The following STXBP5L variants were observed in gnomAD, a reference collection of about 807,000 sequenced individuals.
STXBP5L encodes the protein syntaxin binding protein 5L, also known as syntaxin-binding protein 5-like.
A neutral mutation model predicts 144.5 loss-of-function variants in STXBP5L; 65 were observed. That is an observed-to-expected ratio of 0.45 (90% CI 0.37 to 0.55). The LOEUF (loss-of-function observed/expected upper bound fraction) is 0.55. STXBP5L is among the 20% of genes least tolerant of loss of function. STXBP5L has a pLI of 0.00. For missense variants in STXBP5L, 1,298 were observed against 1,405.5 expected (o/e 0.92, Z 1.22); for synonymous variants, 505 against 469.6 (o/e 1.08, Z -0.97).
chr3:121,103,573 G>A (rs538604814), intron 5 of STXBP5L, among the ~76,000 whole-genome samples: 1 of 152,030 alleles, frequency 6.6e-6, no homozygotes, highest in East Asian at 1.9e-4. Flanking sequence ...TGGGTACTGT[G>A]CTTACCTCAG....
chr3:121,060,006 A>G (rs564235910), intron 5 of STXBP5L, among the ~76,000 whole-genome samples: 8 of 152,256 alleles, frequency 5.3e-5, no homozygotes, highest in African/African-American at 1.7e-4. Context: ...TTCCAATACT[A>G]TGTTGAATAG....
intron 7 of STXBP5L, among the ~76,000 whole-genome samples, chr3:121,139,840 A>T (rs1333421871): frequency 6.6e-6 from 1 of 152,058 alleles, no homozygotes; most frequent in Non-Finnish European, 1.5e-5. Context: ...ACAAACCATC[A>T]CTTATGCTGA....
At chr3:121,299,985 A>C (rs899954823) in intron 19 of STXBP5L, among the ~76,000 whole-genome samples, 1 of 151,620 alleles carries the variant, frequency 6.6e-6, no homozygotes, top group Non-Finnish European at 1.5e-5. Context: ...CAAAAAAAAA[A>C]AAAAAAAAAA....
intron 5 of STXBP5L, among the ~76,000 whole-genome samples, chr3:121,106,393 C>T (rs1344289139): frequency 6.6e-6 from 1 of 152,058 alleles, no homozygotes; most frequent in Non-Finnish European, 1.5e-5. Flanking sequence ...TTTATTATGA[C>T]ACTTTCCCTC....
intron 5 of STXBP5L, among the ~76,000 whole-genome samples, chr3:121,084,751 T>G (rs1374496060): frequency 6.6e-6 from 1 of 152,158 alleles, no homozygotes; most frequent in Non-Finnish European, 1.5e-5. Flanking sequence ...TCAAATGGTA[T>G]TTCTGGTCCT....
chr3:121,011,400 A>G (rs1261287812), intron 3 of STXBP5L, among the ~76,000 whole-genome samples: 1 of 151,604 alleles, frequency 6.6e-6, no homozygotes, highest in East Asian at 1.9e-4. Flanking sequence ...TATAGCAAGG[A>G]CAATATTTTC....
At position 121,402,240 on chromosome 3, in the gene STXBP5L, C is replaced by T. The variant is rs116499827; in HGVS notation, c.2588-5003C>T. Among the ~76,000 whole-genome samples, 1,282 of 152,200 alleles carry T rather than the reference C, an allele frequency of 8.4e-3. 17 individuals are homozygous for T. The highest frequency in any genetic ancestry group is 0.029 in the African/African-American group (1,209 of 41,532). ...ATAAGCACTGAAGATAAAGTAATGA[C>T]GAAGTCATACGAAGTTTCTGTCCTC... On this transcript the variant is annotated intron_variant, in intron 22 of 26. Coordinates refer to ENST00000471454, the MANE Select transcript of STXBP5L (RefSeq NM_001308330.2).
At chr3:121,279,711 G>A in intron 18 of STXBP5L, 94 bp from the exon 19 acceptor site, 1 of 1,482,310 alleles carries the variant, frequency 6.7e-7, no homozygotes, top group South Asian at 1.2e-5. Context: ...CCAACCCTAA[G>A]ACATTACTTT....
At chr3:121,069,385 A>G (rs1262906437) in intron 5 of STXBP5L, among the ~76,000 whole-genome samples, 4 of 152,066 alleles carry the variant, frequency 2.6e-5, no homozygotes, top group Admixed American at 2.6e-4. Context: ...TTATTTAACT[A>G]TTCACCCATT....
intron 2 of STXBP5L, among the ~76,000 whole-genome samples, chr3:120,920,704 G>T (rs1435310569): frequency 6.6e-6 from 1 of 151,610 alleles, no homozygotes; most frequent in Non-Finnish European, 1.5e-5. Context: ...TTCATGAGAT[G>T]TACTTTTTAG....
chr3:121,045,443 G>A lies in STXBP5L; in HGVS notation c.378G>A (p.Leu126=). ...TCTTCTTTTTGTTCTAGGGTGCCTT[G>A]GTCAGTGCAAGTTCAGATGATACAC... ...QLQFLINEGA[L]VSASSDDTLH... Residue 126 remains leucine (L), a synonymous_variant, in exon 5 of 27, where the codon TTG becomes TTA. Coordinates refer to ENST00000471454, the MANE Select transcript of STXBP5L (RefSeq NM_001308330.2). 1 of 1,609,318 alleles carries A rather than the reference G, an allele frequency of 6.2e-7. No homozygotes were observed.
intron 3 of STXBP5L, among the ~76,000 whole-genome samples, chr3:121,025,393 A>ATT (rs1158528519): frequency 6.6e-6 from 1 of 151,432 alleles, no homozygotes; most frequent in African/African-American, 2.4e-5. Flanking sequence ...TAAAGTATAC[A>ATT]TTATATATAA....
intron 5 of STXBP5L, among the ~76,000 whole-genome samples, chr3:121,065,070 AT>A (rs34433284): frequency 0.39 from 57,429 of 145,504 alleles, 11,052 homozygotes; most frequent in African/African-American, 0.42. Flanking sequence ...AAAGGTTGTG[AT>A]TTTTTTTTTT....
At chr3:121,225,368 C>T (rs544002352) in intron 11 of STXBP5L, among the ~76,000 whole-genome samples, 5 of 151,956 alleles carry the variant, frequency 3.3e-5, no homozygotes, top group Non-Finnish European at 5.9e-5. Context: ...GAGGCCAACT[C>T]GAGAGATGAG....
intron 3 of STXBP5L, among the ~76,000 whole-genome samples, chr3:120,963,482 A>T (rs760249028): frequency 6.6e-6 from 1 of 152,126 alleles, no homozygotes; most frequent in Non-Finnish European, 1.5e-5. Context: ...TTAGCATGAA[A>T]GGGTGTTGAG....
At chr3:121,350,480 T>G (rs985251955) in intron 20 of STXBP5L, among the ~76,000 whole-genome samples, 6 of 152,182 alleles carry the variant, frequency 3.9e-5, no homozygotes, top group African/African-American at 7.2e-5. Context: ...GTGTTCTCTG[T>G]ATTTCTTGAA....
At chr3:121,318,637 A>G in intron 20 of STXBP5L, 97 bp downstream of exon 20, 1 of 855,810 alleles carries the variant, frequency 1.2e-6, no homozygotes, top group Non-Finnish European at 1.7e-6. Context: ...TTATAATTTT[A>G]GTAATTAGGT....
chr3:120,920,397 G>C (rs1390500806), intron 2 of STXBP5L, among the ~76,000 whole-genome samples: 1 of 150,808 alleles, frequency 6.6e-6, no homozygotes, highest in Non-Finnish European at 1.5e-5. Flanking sequence ...CATATTTTTG[G>C]GGTACATATG....
intron 19 of STXBP5L, among the ~76,000 whole-genome samples, chr3:121,315,449 C>T (rs1220055673): frequency 7.5e-6 from 1 of 133,642 alleles, no homozygotes; most frequent in East Asian, 2.2e-4. Context: ...AACACATGGA[C>T]ACAGGAAGGG....
Sources: allele counts gnomAD v4.1 joint callset (sites outside exome capture counted in the v4.1 genomes callset), GRCh38; gene constraint gnomAD v4.1.1; transcripts MANE v1.5; gene names NCBI Gene and HGNC (gene_info 2026-07-23, HGNC 2026-07-21).